Variants in PHLDB3 observed in about 807,000 individuals in gnomAD.
PHLDB3 encodes the protein pleckstrin homology like domain family B member 3, also known as pleckstrin homology-like domain family B member 3.
PHLDB3 carries 86 observed loss-of-function variants against 85.7 expected under a neutral mutation model. The ratio of observed to expected loss-of-function variants is 1.00; its 90% CI spans 0.84 to 1.20. PHLDB3 has a LOEUF of 1.20. Among genes scored for constraint, PHLDB3 ranks in the 50% most tolerant of loss-of-function variants. The pLI is 0.00. For missense variants in PHLDB3, 995 were observed against 873.0 expected (o/e 1.14, Z -1.76); for synonymous variants, 376 against 349.8 (o/e 1.07, Z -0.83).
chr19:43,482,703 G>A (rs10409591), intron 13 of PHLDB3, among the ~76,000 whole-genome samples: 57,679 of 151,822 alleles, frequency 0.38, 11,183 homozygotes, highest in East Asian at 0.57. Context: ...ACGCCCAGAT[G>A]ATTTTTGTAT....
intron 4 of PHLDB3, among the ~76,000 whole-genome samples, chr19:43,500,908 T>TCCCCCCCCCCCCCC (rs1568485127): frequency 3.6e-4 from 3 of 8,312 alleles, no homozygotes; most frequent in Admixed American, 1.1e-3. Context: ...CCGCCCCCCG[T>TCCCCCCCCCCCCCC]ACCCCCCCCC....
intron 13 of PHLDB3, among the ~76,000 whole-genome samples, chr19:43,481,942 A>C (rs1971057163): frequency 6.6e-6 from 1 of 151,910 alleles, no homozygotes; most frequent in Non-Finnish European, 1.5e-5. Context: ...GAAGGGAGGG[A>C]AAGGCCAGGT....
In PHLDB3 at chr19:43,497,774, C is replaced by G; in HGVS notation, c.637G>C (p.Glu213Gln). The G allele has an allele frequency of 4.5e-6, 7 of 1,553,274 alleles. No individual in the cohort carries two copies. Among genetic ancestry groups the G allele is most frequent in the Non-Finnish European group, 6.1e-6 (7 of 1,147,920 alleles). ...QLDSQPEDQRERLLQGVQEMR... is the reference protein window; with the variant it reads ...QLDSQPEDQRQRLLQGVQEMR... ...TCCTGCACACCCTGCAGAAGCCGCT[C>G]GCGTTGGTCCTCTGGCTGTGAGTCG... The change falls in exon 5 of 16, where the codon GAG becomes CAG. Residue 213 changes from glutamate (E) to glutamine (Q), a missense_variant. Coordinates refer to ENST00000292140, the MANE Select transcript of PHLDB3 (RefSeq NM_198850.4).
rs762290912 is a variant in PHLDB3, at chr19:43,497,835, A to C, written c.576T>G (p.Gly192=). ...RLSQERDRLE[G]LRQRLRKAQG... is the part of the protein sequence containing the mutation. ...GGGCCTTGCGGAGTCTCTGGCGAAG[A>C]CCCTCTAGGCGATCCCGTTCCTGGC... Residue 192 remains glycine (G), a synonymous_variant, in exon 5 of 16, where the codon GGT becomes GGG. Coordinates refer to ENST00000292140, the MANE Select transcript of PHLDB3 (RefSeq NM_198850.4). 3.2e-6 allele frequency: 5 copies of C among 1,574,790 alleles called. No individual in the cohort carries two copies. The highest frequency in any genetic ancestry group is 1.7e-4 in the Middle Eastern group (1 of 6,020).
chr19:43,495,013 G>T (rs547987401), intron 8 of PHLDB3, among the ~76,000 whole-genome samples, 198 bp from the exon 9 acceptor site: 434 of 3,494 alleles, frequency 0.12, 4 homozygotes, highest in African/African-American at 0.23. Context: ...CTGAGGAGGG[G>T]CTGGGGGCTG....
At chr19:43,487,667 G>A (rs1206044584) in intron 9 of PHLDB3, among the ~76,000 whole-genome samples, 9 of 151,852 alleles carry the variant, frequency 5.9e-5, no homozygotes, top group South Asian at 2.1e-4. Context: ...GTGGTTGCCC[G>A]GACTGGGGTA....
At chr19:43,494,888 G>A in intron 8 of PHLDB3, 73 bp from the exon 9 acceptor site, 1 of 1,118,374 alleles carries the variant, frequency 8.9e-7, no homozygotes, top group Non-Finnish European at 1.3e-6. Context: ...CACGTGCTCT[G>A]GCCCATGCCT....
In PHLDB3 at chr19:43,475,335, C is replaced by T; in HGVS notation, c.*75G>A. 1 of 1,552,874 alleles carries T rather than the reference C, an allele frequency of 6.4e-7. No individual in the cohort carries two copies. The highest frequency in any genetic ancestry group is 1.2e-5 in the South Asian group (1 of 85,258). On this transcript the variant is annotated 3_prime_UTR_variant, in exon 16 of 16. Coordinates refer to ENST00000292140, the MANE Select transcript of PHLDB3 (RefSeq NM_198850.4). ...TGCGTCCAAGTTTTCCGGCAGTGGG[C>T]GGGGCCTAGGAACGCCCCCGCGCCC...
intron 2 of PHLDB3, among the ~76,000 whole-genome samples, chr19:43,503,280 GTCTCTCTCTCTC>G (rs57901463): frequency 0.42 from 60,071 of 141,868 alleles, 12,752 homozygotes; most frequent in East Asian, 0.58. Context: ...TGTCTATCTG[GTCTCTCTCTCTC>G]TCTCTCTCTC....
In PHLDB3 at chr19:43,487,116, A is replaced by G. The variant is rs1377626629; in HGVS notation, c.1157T>C (p.Ile386Thr). The change falls in exon 10 of 16, where the codon ATT becomes ACT. Residue 386 changes from isoleucine to threonine, a missense_variant. Coordinates refer to ENST00000292140, the MANE Select transcript of PHLDB3 (RefSeq NM_198850.4). ...FSVHSSLQGSIGLQRTGSLPR... is the reference protein window; with the variant it reads ...FSVHSSLQGSTGLQRTGSLPR... ...CAGGCTCCCAGTCCTCTGGAGGCCA[A>G]TGGAGCCCTGAAAACACAAAAGGCT... 8.3e-6 allele frequency: 13 copies of G among 1,559,990 alleles called. No homozygotes were observed. Among genetic ancestry groups the G allele is most frequent in the South Asian group, 7.1e-5 (6 of 84,648 alleles).
chr19:43,482,530 CTGTTTGTT>C (rs111789790), intron 13 of PHLDB3, among the ~76,000 whole-genome samples: 17 of 152,060 alleles, frequency 1.1e-4, no homozygotes, highest in East Asian at 7.7e-4. Context: ...AGGAGCAATT[CTGTTTGTT>C]TGTTTGTTTG....
chr19:43,476,684 T>A (rs1381962153), intron 15 of PHLDB3, among the ~76,000 whole-genome samples: 2 of 151,596 alleles, frequency 1.3e-5, no homozygotes, highest in East Asian at 3.9e-4. Context: ...CAAAGAAAAC[T>A]AAGGCTAAAG....
intron 13 of PHLDB3, among the ~76,000 whole-genome samples, chr19:43,481,152 G>C (rs1031019753): frequency 2.0e-5 from 3 of 146,836 alleles, no homozygotes; most frequent in Admixed American, 1.4e-4. Context: ...TGATGCTGCT[G>C]TTCCACCAGC....
rs779458766 is a variant in PHLDB3, at chr19:43,497,830, C to T, written c.581G>A (p.Arg194His). 1.3e-5 allele frequency: 20 copies of T among 1,571,566 alleles called. No homozygotes were observed. The highest frequency in any genetic ancestry group is 2.4e-5 in the East Asian group (1 of 42,460). The change falls in exon 5 of 16, where the codon CGC becomes CAC. Residue 194 changes from arginine (R) to histidine (H), a missense_variant. Physicochemically the swap from Arg to His is conservative, Grantham distance 29. Coordinates refer to ENST00000292140, the MANE Select transcript of PHLDB3 (RefSeq NM_198850.4). ...SQERDRLEGL[R>H]QRLRKAQGQL... The stretch of plus-strand genomic sequence containing the variant: ...TCCCTGGGCCTTGCGGAGTCTCTGG[C>T]GAAGACCCTCTAGGCGATCCCGTTC...
chr19:43,475,263 A>G lies in PHLDB3; in HGVS notation c.*147T>C, dbSNP rs930782548. 3 of 1,152,898 alleles carry G rather than the reference A, an allele frequency of 2.6e-6. No individual in the cohort carries two copies. The highest frequency in any genetic ancestry group is 5.6e-5 in the Admixed American group (2 of 35,640). 71.4% of individuals were successfully genotyped at this position (1,152,898 alleles called of 1,614,324 possible). On this transcript the variant is annotated 3_prime_UTR_variant, in exon 16 of 16. Transcript: ENST00000292140. ...AACCCAGAACGCAGCAGCTCAGGCC[A>G]GCTGAACTGCCGCGCCTGCGGAATT... is the stretch of plus-strand genomic sequence containing the variant.
At position 43,487,047 on chromosome 19, in the gene PHLDB3, CG is replaced by C. The variant is rs1262981894; in HGVS notation, c.1225del (p.Arg409AspfsTer32). On this transcript the variant is annotated frameshift_variant, in exon 10 of 16. Coordinates refer to ENST00000292140, the MANE Select transcript of PHLDB3 (RefSeq NM_198850.4). LOFTEE classifies it high-confidence loss of function. ...ACCAGTACAATGGAAGGACAGAGGT[CG>C]GGGGGATCCTCTCTGGCTCCCCCTC... ...GERGSQRGSP[R>X]PLSFHCTESL... 1.1e-5 allele frequency: 18 copies of C among 1,575,876 alleles called. No homozygotes were observed. Among genetic ancestry groups the C allele is most frequent in the East Asian group, 2.3e-5 (1 of 43,910 alleles).
chr19:43,479,810 C>A (rs1358113158), intron 13 of PHLDB3, among the ~76,000 whole-genome samples: 1 of 152,110 alleles, frequency 6.6e-6, no homozygotes, highest in Non-Finnish European at 1.5e-5. Context: ...CTTGGCACTT[C>A]ATGGCAACTG....
At chr19:43,487,977 A>T (rs1422739191) in intron 9 of PHLDB3, among the ~76,000 whole-genome samples, 2 of 151,850 alleles carry the variant, frequency 1.3e-5, no homozygotes, top group African/African-American at 2.4e-5. Flanking sequence ...AACATGGTGA[A>T]ACCCCGTCTC....
intron 5 of PHLDB3, 84 bp downstream of exon 5, chr19:43,497,664 A>G (rs906002973): frequency 7.1e-7 from 1 of 1,410,568 alleles, no homozygotes; most frequent in African/African-American, 1.4e-5. Context: ...GTGAGCCGAG[A>G]TCGCACCACT....
Sources: gnomAD v4.1 joint callset for allele counts (sites outside exome capture counted in the v4.1 genomes callset) on GRCh38, gnomAD v4.1.1 for gene constraint, MANE v1.5 for transcripts, NCBI Gene and HGNC (gene_info 2026-07-23, HGNC 2026-07-21) for gene names.